The following BRD4 variants were observed in gnomAD, a reference collection of about 807,000 sequenced individuals.
BRD4 encodes bromodomain containing 4, also known as bromodomain-containing protein 4.
Under a neutral mutation model 142.1 loss-of-function variants are expected in BRD4, and 16 were observed. That is an observed-to-expected ratio of 0.11 (90% CI 0.08 to 0.17). The LOEUF is 0.17. BRD4 is among the 10% of genes least tolerant of loss of function. The pLI is 1.00. For synonymous variants in BRD4, 833 were observed against 707.5 expected, an observed-to-expected ratio of 1.18 and a Z score of -2.82; for missense variants, 1,424 against 1,810.9, an observed-to-expected ratio of 0.79 and a Z score of 3.88.
chr19:15,295,844 G>A (rs1019731876), intron 1 of BRD4, among the ~76,000 whole-genome samples: 8 of 152,176 alleles, frequency 5.3e-5, no homozygotes, highest in East Asian at 1.9e-4. Context: ...AGTGGCACAC[G>A]CCTGTAATCC....
Position 15,237,485 on chromosome 19 carries a change from C to T in BRD4, c.*892G>A, listed in dbSNP as rs201490111. The T allele has an allele frequency of 1.8e-5, 4 of 226,484 alleles. No individual in the cohort carries two copies. The highest frequency in any genetic ancestry group is 3.5e-5 in the Non-Finnish European group (4 of 113,976). The allele number at this position is 226,484 out of a possible 1,614,324, so 14.0% of individuals were successfully genotyped here. ...TCACTATACAGTACAGCCACGGTCA[C>T]ACACTACCCACAGCGCGGTGGCAGC... On this transcript the variant is annotated 3_prime_UTR_variant, in exon 20 of 20. Transcript: ENST00000679869.
chr19:15,261,594 A>G (rs1028255322), intron 7 of BRD4, among the ~76,000 whole-genome samples: 11 of 152,252 alleles, frequency 7.2e-5, no homozygotes, highest in Non-Finnish European at 1.3e-4. Flanking sequence ...GAAGGCACAC[A>G]GACAACACCA....
intron 1 of BRD4, among the ~76,000 whole-genome samples, chr19:15,284,073 C>G (rs1364705673): frequency 2.0e-5 from 3 of 152,158 alleles, no homozygotes; most frequent in African/African-American, 4.8e-5. Flanking sequence ...CGATGAAGAG[C>G]TGACGTTAAT....
At chr19:15,299,129 C>T (rs1436630482) in intron 1 of BRD4, among the ~76,000 whole-genome samples, 1 of 152,156 alleles carries the variant, frequency 6.6e-6, no homozygotes, top group Non-Finnish European at 1.5e-5. Flanking sequence ...TAGGCAGTGT[C>T]TTCCATCTGG....
intron 1 of BRD4, among the ~76,000 whole-genome samples, chr19:15,309,701 T>C (rs1205040332): frequency 2.0e-5 from 3 of 152,190 alleles, no homozygotes; most frequent in Non-Finnish European, 2.9e-5. Context: ...TTTCTAAGGA[T>C]ACAACCAGAT....
rs183684948 is a variant in BRD4 at position 15,273,985 on chromosome 19, C to T, written c.-34-852G>A. On this transcript the variant is annotated intron_variant, in intron 1 of 19. Transcript: ENST00000679869. ...GTAATTTATTTAAACCAGGATTACA[C>T]AAACTTTTTTTGTAAATGCAGTTCT... Among the ~76,000 whole-genome samples, 202 of 152,280 alleles carry T rather than the reference C, an allele frequency of 1.3e-3. 1 individual carries two copies. Among genetic ancestry groups the T allele is most frequent in the African/African-American group, 4.6e-3 (192 of 41,550 alleles).
At chr19:15,300,160 G>A (rs888828371) in intron 1 of BRD4, among the ~76,000 whole-genome samples, 4 of 152,070 alleles carry the variant, frequency 2.6e-5, no homozygotes, top group African/African-American at 7.2e-5. Context: ...AGGGAGGACC[G>A]CTTGAACCCG....
intron 7 of BRD4, among the ~76,000 whole-genome samples, chr19:15,262,521 CT>C (rs1186697535): frequency 1.1e-3 from 131 of 123,752 alleles, no homozygotes; most frequent in African/African-American, 3.9e-3. Context: ...AAACCCATCT[CT>C]TTAAAAAAAA....
chr19:15,320,719 C>A (rs1345611282), intron 1 of BRD4, among the ~76,000 whole-genome samples: 1 of 152,190 alleles, frequency 6.6e-6, no homozygotes, highest in Admixed American at 6.5e-5. Context: ...CCCAGAGCTC[C>A]TTCTATGCCT....
chr19:15,311,010 G>T (rs536393116), intron 1 of BRD4, among the ~76,000 whole-genome samples: 1 of 151,980 alleles, frequency 6.6e-6, no homozygotes, highest in African/African-American at 2.4e-5. Flanking sequence ...AAGCAAGATG[G>T]CCAGGAGCAG....
At chr19:15,257,367 CTT>C in intron 7 of BRD4, 194 bp from the exon 8 acceptor site, 8 of 589,372 alleles carry the variant, frequency 1.4e-5, no homozygotes, top group Non-Finnish European at 1.8e-5. Context: ...TTGCAACACT[CTT>C]CTCTCAAATC....
At chr19:15,284,680 T>C (rs918826856) in intron 1 of BRD4, among the ~76,000 whole-genome samples, 3 of 152,168 alleles carry the variant, frequency 2.0e-5, no homozygotes, top group Admixed American at 1.3e-4. Context: ...AGTGTCTACT[T>C]CTGTCCAGAC....
Position 15,269,056 on chromosome 19 carries a change from A to G in BRD4, c.286-14T>C. ...CTTATAGTAATCCTGGAGAGCAGAG[A>G]GCAAAAGTCCAGTGTCACCTAGGCA... is the stretch of plus-strand genomic sequence containing the variant. On this transcript the variant is annotated splice_polypyrimidine_tract_variant and intron_variant, in intron 2 of 19. Transcript: ENST00000679869. 6.2e-7 allele frequency: 1 copy of G among 1,613,666 alleles called. No homozygotes were observed. The highest frequency in any genetic ancestry group is 8.5e-7 in the Non-Finnish European group (1 of 1,179,858).
chr19:15,324,982 T>C (rs971835166), intron 1 of BRD4, among the ~76,000 whole-genome samples: 4 of 152,200 alleles, frequency 2.6e-5, no homozygotes, highest in Non-Finnish European at 5.9e-5. Context: ...CCTGGTGGGC[T>C]GTAGTGTCAC....
intron 1 of BRD4, among the ~76,000 whole-genome samples, chr19:15,289,482 C>T (rs1176263915): frequency 2.0e-5 from 3 of 151,994 alleles, no homozygotes; most frequent in Non-Finnish European, 2.9e-5. Flanking sequence ...ACCCTGGAGG[C>T]GGAGGTTGCG....
intron 1 of BRD4, among the ~76,000 whole-genome samples, chr19:15,324,651 A>G (rs1324390028): frequency 6.6e-6 from 1 of 152,210 alleles, no homozygotes; most frequent in Non-Finnish European, 1.5e-5. Flanking sequence ...AGTGTTCTGG[A>G]AAAACTTTGG....
At chr19:15,244,829 G>A (rs2047271675) in intron 11 of BRD4, 67 bp from the exon 12 acceptor site, 1 of 1,609,758 alleles carries the variant, frequency 6.2e-7, no homozygotes, top group African/African-American at 1.3e-5. Context: ...CTTGGATGAA[G>A]AAAGACGAGA....
intron 1 of BRD4, among the ~76,000 whole-genome samples, chr19:15,322,021 C>A (rs1437371178): frequency 6.6e-6 from 1 of 152,074 alleles, no homozygotes; most frequent in African/African-American, 2.4e-5. Context: ...ATGGCACATA[C>A]ATACACACAC....
intron 1 of BRD4, among the ~76,000 whole-genome samples, chr19:15,310,731 G>C (rs1398235835): frequency 6.6e-6 from 1 of 151,048 alleles, no homozygotes; most frequent in African/African-American, 2.4e-5. Flanking sequence ...CTGATCTCAG[G>C]TGATCCACCT....
Sources: allele counts gnomAD v4.1 joint callset (sites outside exome capture counted in the v4.1 genomes callset), GRCh38; gene constraint gnomAD v4.1.1; transcripts MANE v1.5; gene names NCBI Gene and HGNC (gene_info 2026-07-23, HGNC 2026-07-21).